The following LSAMP variants were observed in gnomAD, a reference collection of about 807,000 sequenced individuals.
LSAMP encodes the protein limbic system associated membrane protein, also known as limbic system-associated membrane protein.
A neutral mutation model predicts 38.6 loss-of-function variants in LSAMP; 7 were observed. The observed-to-expected ratio is 0.18, with a 90% CI of 0.10 to 0.34. LSAMP has a LOEUF of 0.34. Among genes scored for constraint, LSAMP ranks in the 10% least tolerant of loss-of-function variants. The pLI is 1.00. For missense variants in LSAMP, 313 were observed against 420.0 expected (o/e 0.75, Z 2.23); for synonymous variants, 154 against 166.8 (o/e 0.92, Z 0.59).
chr3:116,298,574 C>T (rs1234593410), intron 1 of LSAMP, among the ~76,000 whole-genome samples: 1 of 152,164 alleles, frequency 6.6e-6, no homozygotes, highest in African/African-American at 2.4e-5. Flanking sequence ...TCTTATCAAT[C>T]TATAAAGATG....
chr3:116,157,633 A>G (rs1709785189), intron 1 of LSAMP, among the ~76,000 whole-genome samples: 1 of 152,112 alleles, frequency 6.6e-6, no homozygotes, highest in South Asian at 2.1e-4. Flanking sequence ...CTGGAAACAT[A>G]CACCTCTCCA....
At chr3:115,978,589 C>T (rs1366531506) in intron 3 of LSAMP, among the ~76,000 whole-genome samples, 1 of 151,620 alleles carries the variant, frequency 6.6e-6, no homozygotes, top group African/African-American at 2.4e-5. Context: ...GTATTATTAG[C>T]AGTATTCCTA....
At chr3:116,436,692 T>C (rs1348955149) in intron 1 of LSAMP, among the ~76,000 whole-genome samples, 2 of 152,102 alleles carry the variant, frequency 1.3e-5, no homozygotes, top group Non-Finnish European at 2.9e-5. Flanking sequence ...GACGCTGGCA[T>C]GGATGCAGCA....
chr3:116,335,528 GA>G (rs2047908492), intron 1 of LSAMP, among the ~76,000 whole-genome samples: 1 of 151,974 alleles, frequency 6.6e-6, no homozygotes. Context: ...TAAACCAATG[GA>G]ATAGAATAGA....
At chr3:116,142,961 A>G (rs541496588) in intron 1 of LSAMP, among the ~76,000 whole-genome samples, 1 of 150,998 alleles carries the variant, frequency 6.6e-6, no homozygotes, top group South Asian at 2.1e-4. Flanking sequence ...TGGTGTTTTA[A>G]TTTTTTTCCA....
intron 3 of LSAMP, among the ~76,000 whole-genome samples, chr3:115,996,984 G>C (rs1165510462): frequency 6.6e-6 from 1 of 151,994 alleles, no homozygotes; most frequent in Non-Finnish European, 1.5e-5. Context: ...CAAGATCCAC[G>C]TACCGACTAG....
chr3:115,904,102 G>T (rs147306325), intron 3 of LSAMP, among the ~76,000 whole-genome samples: 2 of 152,088 alleles, frequency 1.3e-5, no homozygotes, highest in African/African-American at 4.8e-5. Context: ...ATCATCTGTC[G>T]ACGGTAGTCA....
chr3:115,863,328 T>G (rs1935762984), intron 3 of LSAMP, among the ~76,000 whole-genome samples: 1 of 152,098 alleles, frequency 6.6e-6, no homozygotes, highest in Admixed American at 6.5e-5. Flanking sequence ...CACACTCACC[T>G]CTAATTAAAA....
intron 4 of LSAMP, among the ~76,000 whole-genome samples, chr3:115,845,783 C>A (rs1935139807): frequency 6.6e-6 from 1 of 152,166 alleles, no homozygotes; most frequent in Non-Finnish European, 1.5e-5. Flanking sequence ...TTGTTTGGAA[C>A]CTGAATTACT....
intron 3 of LSAMP, among the ~76,000 whole-genome samples, chr3:115,861,143 T>TTCCC (rs1935676856): frequency 6.1e-5 from 1 of 16,312 alleles, no homozygotes; most frequent in African/African-American, 2.9e-4. Flanking sequence ...CCTTCCTTCC[T>TTCCC]TCCTTCCTTC....
chr3:115,841,683 C>G (rs1341798319), intron 6 of LSAMP, 162 bp downstream of exon 6: 1 of 595,388 alleles, frequency 1.7e-6, no homozygotes, highest in African/African-American at 1.9e-5. Context: ...TTATAAATCT[C>G]TGCTATGCAC....
chr3:116,072,849 G>T (rs1248524948), intron 2 of LSAMP, among the ~76,000 whole-genome samples: 1 of 143,504 alleles, frequency 7.0e-6, no homozygotes, highest in African/African-American at 2.6e-5. Flanking sequence ...ATCCCATTCT[G>T]TAGATTGTCT....
chr3:116,188,694 C>G (rs959922755), intron 1 of LSAMP, among the ~76,000 whole-genome samples: 1 of 152,122 alleles, frequency 6.6e-6, no homozygotes. Context: ...CAAAGTGATG[C>G]GTTTATTTGC....
At chr3:116,232,699 C>CTTTCTT (rs1310867132) in intron 1 of LSAMP, among the ~76,000 whole-genome samples, 1 of 99,474 alleles carries the variant, frequency 1.0e-5, no homozygotes, top group African/African-American at 3.1e-5. Context: ...TTCTTTCTTT[C>CTTTCTT]TTTTTTTTTT....
At chr3:116,145,213 A>T (rs1462105057) in intron 1 of LSAMP, among the ~76,000 whole-genome samples, 1 of 151,542 alleles carries the variant, frequency 6.6e-6, no homozygotes, top group Non-Finnish European at 1.5e-5. Context: ...TCCCCATTTT[A>T]TCTATTTTCT....
At chr3:115,920,948 A>G (rs1937368619) in intron 3 of LSAMP, among the ~76,000 whole-genome samples, 1 of 151,756 alleles carries the variant, frequency 6.6e-6, no homozygotes, top group Non-Finnish European at 1.5e-5. Flanking sequence ...TCATTATATA[A>G]TGTTCTTCTT....
rs375262674 is a variant in LSAMP, at chr3:116,143,785, T to C, written c.156-57229A>G. 3.3e-5 allele frequency among the ~76,000 whole-genome samples: 5 copies of C among 152,084 alleles called. No individual in the cohort carries two copies. In the South Asian group the frequency reaches 8.3e-4, roughly 25 times the overall value. On this transcript the variant is annotated intron_variant, in intron 1 of 6. Transcript: ENST00000490035. ...GTTTTCTTATTACTTATTTCATAAA[T>C]GTGTTGCCTTGTCGTTTATTTCCTT...
intron 2 of LSAMP, among the ~76,000 whole-genome samples, chr3:116,022,659 C>G (rs1199432515): frequency 6.6e-6 from 1 of 152,120 alleles, no homozygotes. Flanking sequence ...CTTATCTTGT[C>G]CTTTCCTTAA....
chr3:116,015,269 G>T (rs773550906), intron 3 of LSAMP, among the ~76,000 whole-genome samples: 1 of 152,088 alleles, frequency 6.6e-6, no homozygotes, highest in African/African-American at 2.4e-5. Context: ...GAAATGAAAC[G>T]CATAGAAACT....
Sources: gnomAD v4.1 joint callset for allele counts (sites outside exome capture counted in the v4.1 genomes callset) on GRCh38, gnomAD v4.1.1 for gene constraint, MANE v1.5 for transcripts, NCBI Gene and HGNC (gene_info 2026-07-23, HGNC 2026-07-21) for gene names.